Variants in NDST3 observed in about 807,000 individuals in gnomAD.
NDST3 encodes N-deacetylase and N-sulfotransferase 3.
In NDST3, 58 loss-of-function variants were observed where a neutral mutation model predicts 96.1. The ratio of observed to expected loss-of-function variants is 0.60; its 90% confidence interval spans 0.49 to 0.75. The LOEUF is 0.75. Ranked by LOEUF, NDST3 falls within the 30% of genes least tolerant of loss-of-function variation. The probability of loss-of-function intolerance (pLI) is 0.00; values close to 1 mark genes in which losing one functional copy is unlikely to be tolerated. For missense variants in NDST3, 788 were observed against 1,034.2 expected, an observed-to-expected ratio of 0.76 and a Z score of 3.27; for synonymous variants, 333 against 359.7, an observed-to-expected ratio of 0.93 and a Z score of 0.84.
chr4:118,147,334 G>C (rs555970765), intron 6 of NDST3, among the ~76,000 whole-genome samples: 2 of 152,248 alleles, frequency 1.3e-5, no homozygotes, highest in South Asian at 2.1e-4. Context: ...TATACCATGG[G>C]AGAGAGCCAC....
intron 6 of NDST3, among the ~76,000 whole-genome samples, chr4:118,215,490 G>A (rs530583082): frequency 6.6e-6 from 1 of 152,190 alleles, no homozygotes; most frequent in South Asian, 2.1e-4. Context: ...ATGGAGGTGA[G>A]GAGTAAAGTC....
chr4:118,063,302 T>C (rs918254772), intron 2 of NDST3, among the ~76,000 whole-genome samples: 9 of 151,960 alleles, frequency 5.9e-5, no homozygotes, highest in African/African-American at 2.2e-4. Context: ...CTACACACTG[T>C]AGTAGCAGAA....
chr4:118,184,602 T>TACACACACACACACACACACAC (rs562099266), intron 6 of NDST3, among the ~76,000 whole-genome samples: 1 of 138,490 alleles, frequency 7.2e-6, no homozygotes, highest in Non-Finnish European at 1.6e-5. Flanking sequence ...TCTCTCTCTC[T>TACACACACACACACACACACAC]ACACACACAC....
intron 6 of NDST3, among the ~76,000 whole-genome samples, chr4:118,147,607 T>C (rs1222195212): frequency 5.9e-5 from 9 of 152,214 alleles, no homozygotes. Context: ...AATAAAACTC[T>C]ATATATGACG....
intron 2 of NDST3, among the ~76,000 whole-genome samples, chr4:118,090,145 T>C (rs1042762401): frequency 1.3e-5 from 2 of 151,970 alleles, no homozygotes; most frequent in Non-Finnish European, 2.9e-5. Context: ...CCATTAGGAA[T>C]AAGAAGCCGT....
chr4:118,066,218 A>ATTATATATTATATTTT (rs1560617831), intron 2 of NDST3, among the ~76,000 whole-genome samples: 1 of 62,864 alleles, frequency 1.6e-5, no homozygotes, highest in African/African-American at 7.0e-5. Context: ...TATTATACAT[A>ATTATATATTATATTTT]ATATATTATA....
At chr4:118,240,926 T>C (rs571203260) in intron 11 of NDST3, among the ~76,000 whole-genome samples, 1 of 152,340 alleles carries the variant, frequency 6.6e-6, no homozygotes, top group East Asian at 1.9e-4. Context: ...TTCCTGATTG[T>C]AAAAAGCTTT....
At chr4:118,254,846 C>T (rs1049167327) in intron 13 of NDST3, among the ~76,000 whole-genome samples, 42 of 152,060 alleles carry the variant, frequency 2.8e-4, no homozygotes, top group African/African-American at 9.9e-4. Context: ...CAGGGTCTGT[C>T]CTCAATAAAC....
intron 6 of NDST3, 81 bp downstream of exon 6, chr4:118,143,765 G>T: frequency 6.9e-7 from 1 of 1,439,476 alleles, no homozygotes. Flanking sequence ...CTAGGGATTG[G>T]GCAGTCATCA....
chr4:118,080,899 C>A (rs1176808166), intron 2 of NDST3, among the ~76,000 whole-genome samples: 1 of 152,008 alleles, frequency 6.6e-6, no homozygotes, highest in Non-Finnish European at 1.5e-5. Flanking sequence ...TGTGGAAAAC[C>A]AAAGATGAAT....
At chr4:118,150,731 G>T (rs1257836075) in intron 6 of NDST3, among the ~76,000 whole-genome samples, 2 of 151,382 alleles carry the variant, frequency 1.3e-5, no homozygotes, top group Non-Finnish European at 2.9e-5. Context: ...CAAAAGTCAG[G>T]AAACAACAGG....
At chr4:118,196,640 G>A (rs1737708477) in intron 6 of NDST3, among the ~76,000 whole-genome samples, 2 of 151,928 alleles carry the variant, frequency 1.3e-5, no homozygotes, top group African/African-American at 2.4e-5. Flanking sequence ...GCATACAGTT[G>A]CTCACAGTAG....
Position 118,054,762 on chromosome 4 carries a change from C to T in NDST3, c.852C>T (p.Ile284=). The part of the protein sequence containing the change: ...NNLNFWLHKL[I]FIDAISFLSG... ...TGAACTTTTGGCTGCACAAGCTCAT[C>T]TTCATAGATGCCATCTCCTTCTTAT... Residue 284 remains isoleucine, a synonymous_variant, in exon 2 of 14, where the codon ATC becomes ATT. Transcript: ENST00000296499. The T allele has an allele frequency of 6.2e-7, 1 of 1,613,388 alleles. No individual in the cohort carries two copies. The highest frequency in any genetic ancestry group is 8.5e-7 in the Non-Finnish European group (1 of 1,179,474).
chr4:118,116,205 A>C (rs1731081270), intron 4 of NDST3, among the ~76,000 whole-genome samples: 1 of 152,242 alleles, frequency 6.6e-6, no homozygotes, highest in Non-Finnish European at 1.5e-5. Context: ...TGATATTGAC[A>C]ATGTTAATCA....
chr4:118,044,326 A>G (rs1724631756), intron 1 of NDST3, among the ~76,000 whole-genome samples: 1 of 152,268 alleles, frequency 6.6e-6, no homozygotes, highest in South Asian at 2.1e-4. Context: ...TGAAATAACT[A>G]TAATTACAAT....
At position 118,240,671 on chromosome 4, in the gene NDST3, CTTGT is replaced by C; in HGVS notation, c.2269_2272del (p.Val757IlefsTer8). The C allele has an allele frequency of 1.2e-6, 2 of 1,613,422 alleles. No individual in the cohort carries two copies. The highest frequency in any genetic ancestry group is 1.7e-6 in the Non-Finnish European group (2 of 1,179,740). ...GTATGCCAGCCACATCGAGAGATGG[CTTGT>C]TTATTTCCCCCCATTTCAGGTATGG... On this transcript the variant is annotated frameshift_variant, in exon 11 of 14. Coordinates refer to ENST00000296499, the MANE Select transcript of NDST3 (RefSeq NM_004784.3). LOFTEE classifies it high-confidence loss of function.
At chr4:118,076,790 C>T (rs914847061) in intron 2 of NDST3, among the ~76,000 whole-genome samples, 3 of 152,074 alleles carry the variant, frequency 2.0e-5, no homozygotes, top group Admixed American at 6.6e-5. Context: ...AATTCTACGC[C>T]TGTTATTTCA....
intron 1 of NDST3, among the ~76,000 whole-genome samples, chr4:118,036,646 A>T (rs1724167259): frequency 6.6e-6 from 1 of 152,180 alleles, no homozygotes. Flanking sequence ...TAAAGGGGTG[A>T]TTTTAATATT....
intron 4 of NDST3, among the ~76,000 whole-genome samples, chr4:118,126,662 A>C (rs558495258): frequency 1.3e-5 from 2 of 151,940 alleles, no homozygotes; most frequent in African/African-American, 4.8e-5. Context: ...ATGAGAGTGC[A>C]GATATCTCTT....
Sources: allele counts gnomAD v4.1 joint callset (sites outside exome capture counted in the v4.1 genomes callset), GRCh38; gene constraint gnomAD v4.1.1; transcripts MANE v1.5; gene names NCBI Gene and HGNC (gene_info 2026-07-23, HGNC 2026-07-21).